The following HOXB3 variants were observed in gnomAD, a reference collection of about 807,000 sequenced individuals.
HOXB3 encodes homeobox B3, also known as homeobox protein Hox-B3.
In HOXB3, 17 loss-of-function variants were observed where a neutral mutation model predicts 29.2. The observed-to-expected ratio is 0.58, with a 90% CI of 0.40 to 0.87. The LOEUF (loss-of-function observed/expected upper bound fraction) is 0.87, where lower values mean the gene tolerates loss of function less well. Ranked by LOEUF, HOXB3 falls within the 40% of genes least tolerant of loss-of-function variation. The pLI, the probability that HOXB3 is intolerant of heterozygous loss-of-function variation, is 0.00. For synonymous variants in HOXB3, 317 were observed against 285.9 expected (o/e 1.11, Z -1.10); for missense variants, 637 against 616.3 (o/e 1.03, Z -0.35).
Position 48,550,250 on chromosome 17 carries a change from C to T in HOXB3, c.*84G>A, listed in dbSNP as rs1567941139. 1 of 1,574,134 alleles carries T rather than the reference C, an allele frequency of 6.4e-7. No homozygotes were observed. The highest frequency in any genetic ancestry group is 8.6e-7 in the Non-Finnish European group (1 of 1,159,706). On this transcript the variant is annotated 3_prime_UTR_variant, in exon 5 of 5. Coordinates refer to ENST00000498678, the MANE Select transcript of HOXB3 (RefSeq NM_001384749.1). Reference sequence around the variant, plus strand: ...CTGGGTACCACCTTCTCTGGCTCCTCTTTTCAGACCTCCAGGTTGCCCCCC... The same window carrying T: ...CTGGGTACCACCTTCTCTGGCTCCTTTTTTCAGACCTCCAGGTTGCCCCCC...
intron 1 of HOXB3, chr17:48,576,461 CTTTTT>C (rs2069765809): frequency 2.6e-6 from 1 of 386,272 alleles, no homozygotes; most frequent in South Asian, 1.1e-4. Flanking sequence ...CTTGCTTTTT[CTTTTT>C]CTTTTTTTTA....
Position 48,569,422 on chromosome 17 carries a change from C to CCACCG in HOXB3, c.-247+4414_-247+4415insCGGTG, listed in dbSNP as rs1003871754. Among the ~76,000 whole-genome samples, 8 of 152,040 alleles carry CCACCG rather than the reference C, an allele frequency of 5.3e-5. No homozygotes were observed. The East Asian group carries it at 1.4e-3, about 26-fold the overall frequency. ...CCATGGACACACACTTACCCACAGC[C>CCACCG]CACCTCTCCTCTCTCCCTTCTCCTC... On this transcript the variant is annotated intron_variant, in intron 2 of 4. Transcript: ENST00000498678.
intron 1 of HOXB3, among the ~76,000 whole-genome samples, chr17:48,589,581 A>T (rs1240468203): frequency 6.6e-6 from 1 of 152,178 alleles, no homozygotes; most frequent in Non-Finnish European, 1.5e-5. Flanking sequence ...ACCTCTTTTT[A>T]TGGGCTTCAA....
Position 48,552,097 on chromosome 17 carries a change from G to A in HOXB3, c.378C>T (p.Thr126=). 1.2e-6 allele frequency: 2 copies of A among 1,612,868 alleles called. No individual in the cohort carries two copies. The highest frequency in any genetic ancestry group is 4.5e-5 in the East Asian group (2 of 44,842). The change falls in exon 4 of 5, where the codon ACC becomes ACT. Residue 126 remains threonine, a synonymous_variant. Coordinates refer to ENST00000498678, the MANE Select transcript of HOXB3 (RefSeq NM_001384749.1). ...CTTTCATCCAGGGGAATATCTGTTT[G>A]GTGAGGGTGGAGTTGGTGCCGGGAC... The part of the protein sequence containing the change: ...KCGPGTNSTL[T]KQIFPWMKES...
intron 1 of HOXB3, chr17:48,576,658 C>CCCCCAA: frequency 2.4e-6 from 2 of 846,706 alleles, no homozygotes; most frequent in Admixed American, 3.4e-5. Context: ...TGTCCCCCCA[C>CCCCCAA]CCCATCCCCT....
In HOXB3 at chr17:48,587,502, G is replaced by T. The variant is rs115032325; in HGVS notation, c.-425+2623C>A. ...TAGCCCTGGGAAGGGACTGAGTTTG[G>T]GGGGGTTGTGCTGAGCTTCTGTCTT... On this transcript the variant is annotated intron_variant, in intron 1 of 4. Coordinates refer to ENST00000498678, the MANE Select transcript of HOXB3 (RefSeq NM_001384749.1). 2.1e-3 allele frequency among the ~76,000 whole-genome samples: 315 copies of T among 152,268 alleles called. 1 individual carries two copies. Among genetic ancestry groups the T allele is most frequent in the Admixed American group, 6.5e-3 (100 of 15,302 alleles).
In HOXB3 at chr17:48,551,107, C is replaced by T. The variant is rs2068718310; in HGVS notation, c.523G>A (p.Gly175Ser). Residue 175 changes from glycine (G) to serine (S), a missense_variant, in exon 5 of 5, where the codon GGC becomes AGC. By Grantham distance (56) the Gly-to-Ser change is moderately conservative. Transcript: ENST00000498678. The stretch of plus-strand genomic sequence containing the variant: ...GGGGGGCTCTTGTCCCCTCCCCCGC[C>T]GCCGCCGCCACCGCCCCCGCTGCCA... Reference protein sequence around the residue: ...SGGSGGGGGGGGGGDKSPPGS... With the variant: ...SGGSGGGGGGSGGGDKSPPGS... 3.6e-6 allele frequency: 5 copies of T among 1,371,990 alleles called. No individual in the cohort carries two copies. The highest frequency in any genetic ancestry group is 4.7e-6 in the Non-Finnish European group (5 of 1,060,420). The allele number at this position is 1,371,990 out of a possible 1,614,324, so 85.0% of individuals were successfully genotyped here. A position where few individuals can be genotyped will look rare whatever the true frequency, so the allele number is the denominator to read the frequency against.
At chr17:48,568,008 T>C (rs557080399) in intron 2 of HOXB3, among the ~76,000 whole-genome samples, 3 of 152,314 alleles carry the variant, frequency 2.0e-5, no homozygotes, top group Non-Finnish European at 4.4e-5. Context: ...ATCAGTCCTA[T>C]AAATTAAGCT....
intron 1 of HOXB3, among the ~76,000 whole-genome samples, chr17:48,586,526 C>CGTCTGCT (rs1567967294): frequency 6.6e-6 from 1 of 152,180 alleles, no homozygotes; most frequent in African/African-American, 2.4e-5. Flanking sequence ...CTGCTGCCCC[C>CGTCTGCT]GTCTGCTGAC....
chr17:48,582,576 G>A (rs1004922241), intron 1 of HOXB3: 9 of 152,168 alleles, frequency 5.9e-5, no homozygotes, highest in Non-Finnish European at 1.3e-4. Context: ...GCCGTGACCT[G>A]CGGTTCACCT....
intron 2 of HOXB3, among the ~76,000 whole-genome samples, chr17:48,569,560 GTTC>G (rs1475054369): frequency 1.3e-5 from 2 of 152,104 alleles, no homozygotes; most frequent in Non-Finnish European, 2.9e-5. Flanking sequence ...TCAGCTTCCA[GTTC>G]TTCTCTCTGC....
At chr17:48,571,686 C>T (rs1376920673) in intron 2 of HOXB3, among the ~76,000 whole-genome samples, 2 of 152,214 alleles carry the variant, frequency 1.3e-5, no homozygotes, top group Admixed American at 1.3e-4. Context: ...AACTGGCTAT[C>T]TGCCCTTACA....
intron 4 of HOXB3, 110 bp downstream of exon 4, chr17:48,551,917 A>G: frequency 1.0e-6 from 1 of 1,000,764 alleles, no homozygotes. Flanking sequence ...CTGGCCACCT[A>G]ATATTGTTCC....
In HOXB3 at chr17:48,573,850, G is replaced by A. The variant is rs1218115128; in HGVS notation, c.-260C>T. ...GGGCTTTGTTACCTTTGCGCCTCTC[G>A]CCTCCTCTCGCCCGAACTCTGCAGA... is the stretch of plus-strand genomic sequence containing the variant. On this transcript the variant is annotated 5_prime_UTR_variant, in exon 2 of 5. Coordinates refer to ENST00000498678, the MANE Select transcript of HOXB3 (RefSeq NM_001384749.1). 5 of 701,984 alleles carry A rather than the reference G, an allele frequency of 7.1e-6. No individual in the cohort carries two copies. The highest frequency in any genetic ancestry group is 4.0e-5 in the Admixed American group (2 of 49,970). The allele number at this position is 701,984 out of a possible 1,614,324, so 43.5% of individuals were successfully genotyped here.
intron 1 of HOXB3, among the ~76,000 whole-genome samples, chr17:48,585,772 C>A (rs1310791563): frequency 6.6e-6 from 1 of 152,166 alleles, no homozygotes; most frequent in Non-Finnish European, 1.5e-5. Context: ...CTGCAGGAGC[C>A]CCGAAATAGG....
chr17:48,566,253 G>T (rs2069382606), intron 2 of HOXB3, among the ~76,000 whole-genome samples: 1 of 152,144 alleles, frequency 6.6e-6, no homozygotes, highest in Non-Finnish European at 1.5e-5. Flanking sequence ...TTGCTGATTT[G>T]GGGTAGGCCT....
intron 1 of HOXB3, chr17:48,580,777 C>T (rs1567965336): frequency 6.6e-6 from 1 of 152,198 alleles, no homozygotes; most frequent in Admixed American, 6.5e-5. Flanking sequence ...TAGCCCCAGA[C>T]GGGTCCTTTC....
intron 2 of HOXB3, among the ~76,000 whole-genome samples, chr17:48,569,168 T>TATCTATTCTGC (rs2069498272): frequency 6.6e-6 from 1 of 151,920 alleles, no homozygotes; most frequent in Non-Finnish European, 1.5e-5. Context: ...GACGAATACA[T>TATCTATTCTGC]ATCTATTCTG....
chr17:48,578,866 G>A (rs1197971046), intron 1 of HOXB3: 1 of 153,204 alleles, frequency 6.5e-6, no homozygotes, highest in Non-Finnish European at 1.5e-5. Context: ...GGCGGGTTGG[G>A]GGCTCCGTCT....
Sources: gnomAD v4.1 joint callset for allele counts (sites outside exome capture counted in the v4.1 genomes callset) on GRCh38, gnomAD v4.1.1 for gene constraint, MANE v1.5 for transcripts, NCBI Gene and HGNC (gene_info 2026-07-23, HGNC 2026-07-21) for gene names.